The following HMGCL variants were observed in gnomAD, a reference collection of about 807,000 sequenced individuals.
The protein encoded by HMGCL is 3-hydroxy-3-methylglutaryl-CoA lyase, also known as hydroxymethylglutaryl-CoA lyase, mitochondrial.
In HMGCL, 26 loss-of-function variants were observed where a neutral mutation model predicts 37.3. The ratio of observed to expected loss-of-function variants is 0.70; its 90% CI spans 0.51 to 0.97. The LOEUF (loss-of-function observed/expected upper bound fraction) is 0.97, where lower values mean the gene tolerates loss of function less well. Ranked by LOEUF, HMGCL falls within the 50% of genes least tolerant of loss-of-function variation. The pLI is 0.00. For synonymous variants in HMGCL, 151 were observed against 148.0 expected, an observed-to-expected ratio of 1.02 and a Z score of -0.15; for missense variants, 379 against 398.1, an observed-to-expected ratio of 0.95 and a Z score of 0.41.
At chr1:23,821,729 G>A (rs992963934) in intron 1 of HMGCL, among the ~76,000 whole-genome samples, 2 of 152,024 alleles carry the variant, frequency 1.3e-5, no homozygotes, top group African/African-American at 4.8e-5. Context: ...GACTGTATGA[G>A]TTGCCTCCTC....
At chr1:23,813,919 G>A in intron 5 of HMGCL, 1 of 484,362 alleles carries the variant, frequency 2.1e-6, no homozygotes, top group Non-Finnish European at 3.8e-6. Context: ...CTGGTCTCAA[G>A]CCATCCTCTG....
chr1:23,821,867 G>A (rs1330359392), intron 1 of HMGCL, among the ~76,000 whole-genome samples: 1 of 151,876 alleles, frequency 6.6e-6, no homozygotes, highest in Non-Finnish European at 1.5e-5. Flanking sequence ...AAAAAAACTG[G>A]CTGTTCTTAC....
intron 1 of HMGCL, among the ~76,000 whole-genome samples, chr1:23,822,263 T>G (rs1380105755): frequency 6.6e-6 from 1 of 152,096 alleles, no homozygotes; most frequent in Non-Finnish European, 1.5e-5. Context: ...TCTGTTACAG[T>G]CATAGGCTGG....
rs1638574541 is a variant in HMGCL, at chr1:23,814,276, C to A, written c.411G>T (p.Lys137Asn). 2 of 1,613,890 alleles carry A rather than the reference C, an allele frequency of 1.2e-6. No homozygotes were observed. The highest frequency in any genetic ancestry group is 1.3e-5 in the African/African-American group (1 of 74,890). The change falls in exon 5 of 9, where the codon AAG becomes AAT. Residue 137 changes from lysine to asparagine, a missense_variant. Lys to Asn is a moderately conservative substitution (Grantham distance 94). Coordinates refer to ENST00000374490, the MANE Select transcript of HMGCL (RefSeq NM_000191.3). ...FGAASELFTK[K>N]NINCSIEESF... ...TCTCCTCTATGGAACAATTGATGTT[C>A]TTCTTGGTGAAGAGCTCTGAGGCAG...
chr1:23,813,232 T>G (rs982265494), intron 5 of HMGCL, among the ~76,000 whole-genome samples: 36 of 142,104 alleles, frequency 2.5e-4, no homozygotes, highest in Non-Finnish European at 5.2e-4. Flanking sequence ...GCAATGTTTT[T>G]TTTTTTTTTT....
chr1:23,823,179 CAAAAAA>C (rs60736552), intron 1 of HMGCL, among the ~76,000 whole-genome samples: 1 of 37,252 alleles, frequency 2.7e-5, no homozygotes, highest in South Asian at 9.8e-4. Context: ...TTCTTCATCT[CAAAAAA>C]AAAAAAAAAA....
At chr1:23,811,268 C>T (rs1323760717) in intron 5 of HMGCL, among the ~76,000 whole-genome samples, 1 of 152,130 alleles carries the variant, frequency 6.6e-6, no homozygotes, top group African/African-American at 2.4e-5. Context: ...ATGAGCTGCC[C>T]CAGTGAGATG....
chr1:23,804,112 T>G (rs1172286864), intron 8 of HMGCL: 3 of 432,860 alleles, frequency 6.9e-6, no homozygotes, highest in African/African-American at 6.1e-5. Context: ...CCTTCCCCTC[T>G]TTTGTTTTGT....
chr1:23,813,227 GTTTTTTTTT>G (rs58260499), intron 5 of HMGCL, among the ~76,000 whole-genome samples: 2 of 70,800 alleles, frequency 2.8e-5, no homozygotes, highest in African/African-American at 1.1e-4. Context: ...TGGCTGCAAT[GTTTTTTTTT>G]TTTTTTTTTT....
At chr1:23,802,638 A>C in intron 8 of HMGCL, 74 bp from the exon 9 acceptor site, 2 of 933,508 alleles carry the variant, frequency 2.1e-6, no homozygotes, top group South Asian at 1.3e-5. Flanking sequence ...CAGCATGGAC[A>C]GACAACTGTG....
Position 23,806,852 on chromosome 1 carries a change from G to A in HMGCL, c.750+1283C>T, listed in dbSNP as rs149532871. ...TGGTCTTACAATGTGCTATTTACAC[G>A]CCTGTAATCTTCCATCTGTCTTCCC... On this transcript the variant is annotated intron_variant, in intron 7 of 8. Coordinates refer to ENST00000374490, the MANE Select transcript of HMGCL (RefSeq NM_000191.3). This position sits in a 1 kb window ranked among gnomAD's most constrained non-coding sequence, Gnocchi z 4.0. The A allele has an allele frequency of 1.0e-4, 44 of 436,628 alleles. No individual in the cohort carries two copies. The Middle Eastern group carries it at 2.6e-3, about 26-fold the overall frequency. The allele number at this position is 436,628 out of a possible 1,614,324, so 27.0% of individuals were successfully genotyped here.
At chr1:23,820,442 C>T (rs1638696724) in intron 2 of HMGCL, 68 bp downstream of exon 2, 1 of 1,070,932 alleles carries the variant, frequency 9.3e-7, no homozygotes. Flanking sequence ...TGCCATTGCA[C>T]CTATCACACG....
chr1:23,807,530 A>G (rs143609194), intron 7 of HMGCL, among the ~76,000 whole-genome samples: 2 of 152,328 alleles, frequency 1.3e-5, no homozygotes, highest in East Asian at 1.9e-4. Flanking sequence ...CTGCCAGCCA[A>G]TGGATCTCCA....
rs1638416136 is a variant in HMGCL, at chr1:23,806,628, C to T, written c.750+1507G>A. The T allele has an allele frequency of 3.6e-6, 1 of 280,326 alleles. No homozygotes were observed. Among genetic ancestry groups the T allele is most frequent in the South Asian group, 3.4e-5 (1 of 29,220 alleles). 17.4% of individuals were successfully genotyped at this position (280,326 alleles called of 1,614,324 possible). On this transcript the variant is annotated intron_variant, in intron 7 of 8. Coordinates refer to ENST00000374490, the MANE Select transcript of HMGCL (RefSeq NM_000191.3). The surrounding 1 kb of genome is among the most constrained non-coding windows in gnomAD (Gnocchi z 4.0). Reference sequence around the variant, plus strand: ...ACAGAAAGGCCTGGCACTGCCTTAACCTGCTTCATTTTTTCTCCACAGTGT... The same window carrying T: ...ACAGAAAGGCCTGGCACTGCCTTAATCTGCTTCATTTTTTCTCCACAGTGT...
At chr1:23,804,326 AT>A in intron 8 of HMGCL, 73 bp downstream of exon 8, 1 of 1,583,058 alleles carries the variant, frequency 6.3e-7, no homozygotes, top group Non-Finnish European at 8.7e-7. Context: ...AAATACCCCC[AT>A]CCACTTTTGT....
chr1:23,819,721 G>A (rs967005179), intron 2 of HMGCL, among the ~76,000 whole-genome samples: 1 of 152,086 alleles, frequency 6.6e-6, no homozygotes, highest in Non-Finnish European at 1.5e-5. Context: ...AGAGTGAGAT[G>A]CCATCTCCCA....
intron 6 of HMGCL, 159 bp downstream of exon 6, chr1:23,810,577 G>A (rs1020819859): frequency 1.4e-6 from 1 of 693,642 alleles, no homozygotes; most frequent in South Asian, 1.5e-5. Context: ...TAGGGAGCAA[G>A]TGCAGGGCTG....
At chr1:23,817,956 C>T (rs778174615) in intron 2 of HMGCL, among the ~76,000 whole-genome samples, 5 of 152,180 alleles carry the variant, frequency 3.3e-5, no homozygotes, top group Admixed American at 6.5e-5. Context: ...ATCTTCCTCC[C>T]CACCATGTCC....
intron 2 of HMGCL, 143 bp downstream of exon 2, chr1:23,820,367 G>C: frequency 1.4e-6 from 1 of 712,394 alleles, no homozygotes; most frequent in Non-Finnish European, 2.6e-6. Flanking sequence ...GTCTGTCCCT[G>C]TTTGGCCTCC....
Sources: gnomAD v4.1 joint callset for allele counts (sites outside exome capture counted in the v4.1 genomes callset) on GRCh38, gnomAD v4.1.1 for gene constraint, Gnocchi (gnomAD v3.1) non-coding constraint, MANE v1.5 for transcripts, NCBI Gene and HGNC (gene_info 2026-07-23, HGNC 2026-07-21) for gene names.